Variants in ATP13A4 observed in about 807,000 individuals in gnomAD.
ATP13A4 encodes ATPase 13A4.
In ATP13A4, 114 loss-of-function variants were observed where a neutral mutation model predicts 142.5. The ratio of observed to expected loss-of-function variants is 0.80; its 90% CI spans 0.69 to 0.93. The LOEUF (loss-of-function observed/expected upper bound fraction) is 0.93, where lower values mean the gene tolerates loss of function less well. Ranked by LOEUF, ATP13A4 falls within the 40% of genes least tolerant of loss-of-function variation. The probability of loss-of-function intolerance (pLI) is 0.00; values close to 1 mark genes in which losing one functional copy is unlikely to be tolerated. For synonymous variants in ATP13A4, 488 were observed against 514.8 expected, an observed-to-expected ratio of 0.95 and a Z score of 0.70; for missense variants, 1,392 against 1,454.0, an observed-to-expected ratio of 0.96 and a Z score of 0.69.
Position 193,402,646 on chromosome 3 carries a change from T to C in ATP13A4, c.*6A>G, listed in dbSNP as rs1714305536. On this transcript the variant is annotated 3_prime_UTR_variant, in exon 30 of 30. Transcript: ENST00000342695. ...CTGTAATATCAACTTGGATATCACA[T>C]GTCCTTCAGAGTTGTTCTTCATTGC... 8.2e-6 allele frequency: 7 copies of C among 857,946 alleles called. No homozygotes were observed. Among genetic ancestry groups the C allele is most frequent in the South Asian group, 6.6e-5 (5 of 76,098 alleles). The allele number at this position is 857,946 out of a possible 1,614,324, so 53.1% of individuals were successfully genotyped here. A position where few individuals can be genotyped will look rare whatever the true frequency, so the allele number is the denominator to read the frequency against.
intron 18 of ATP13A4, among the ~76,000 whole-genome samples, chr3:193,447,685 C>CT (rs1247231413): frequency 6.6e-6 from 1 of 152,142 alleles, no homozygotes; most frequent in Non-Finnish European, 1.5e-5. Context: ...GTGATTTACT[C>CT]TCATTGCTCT....
chr3:193,435,602 C>G (rs765907712), intron 24 of ATP13A4, 46 bp downstream of exon 24: 175 of 1,468,038 alleles, frequency 1.2e-4, no homozygotes, highest in Non-Finnish European at 1.5e-4. Context: ...TGCACCGCTA[C>G]TTGTTTTAGT....
intron 2 of ATP13A4, among the ~76,000 whole-genome samples, chr3:193,504,246 A>G (rs1720734622): frequency 6.6e-6 from 1 of 152,104 alleles, no homozygotes; most frequent in Non-Finnish European, 1.5e-5. Context: ...AAGGGAGCTA[A>G]ATTTTCAATG....
chr3:193,533,565 A>C (rs1031556284), intron 1 of ATP13A4, among the ~76,000 whole-genome samples: 1 of 152,172 alleles, frequency 6.6e-6, no homozygotes, highest in African/African-American at 2.4e-5. Context: ...AGCAGACCAA[A>C]GAAAAAAAAA....
Position 193,442,357 on chromosome 3 carries a change from T to C in ATP13A4, c.2316+36A>G, listed in dbSNP as rs367810450. 5.9e-5 allele frequency: 95 copies of C among 1,601,226 alleles called. No homozygotes were observed. The Admixed American group carries it at 6.5e-4, about 11-fold the overall frequency. On this transcript the variant is annotated intron_variant, in intron 19 of 29. Coordinates refer to ENST00000342695, the MANE Select transcript of ATP13A4 (RefSeq NM_032279.4). ...TCAGTCACCAACACTGCAAGACACA[T>C]TGATAATGTGGCAGAAGGTCTGTGT...
chr3:193,455,027 A>G (rs554285500), intron 16 of ATP13A4, among the ~76,000 whole-genome samples: 2 of 152,264 alleles, frequency 1.3e-5, no homozygotes, highest in Admixed American at 6.5e-5. Flanking sequence ...AAAGAAAAAA[A>G]CAAACAACCT....
At chr3:193,443,309 T>A (rs1486457152) in intron 18 of ATP13A4, among the ~76,000 whole-genome samples, 1 of 152,206 alleles carries the variant, frequency 6.6e-6, no homozygotes. Flanking sequence ...TGTGCGTGTG[T>A]GGACCAGATC....
At chr3:193,517,274 G>C (rs1369790656) in intron 1 of ATP13A4, among the ~76,000 whole-genome samples, 2 of 152,276 alleles carry the variant, frequency 1.3e-5, no homozygotes, top group East Asian at 1.9e-4. Flanking sequence ...CAGTCTCAAG[G>C]AGCTCATTAG....
At chr3:193,424,844 A>T (rs996644206) in intron 25 of ATP13A4, among the ~76,000 whole-genome samples, 10 of 149,894 alleles carry the variant, frequency 6.7e-5, no homozygotes, top group African/African-American at 2.2e-4. Context: ...AAAACTAAAA[A>T]GATTTTGCAC....
chr3:193,519,409 C>A (rs1721593912), intron 1 of ATP13A4, among the ~76,000 whole-genome samples: 1 of 152,118 alleles, frequency 6.6e-6, no homozygotes, highest in Admixed American at 6.6e-5. Context: ...CTATATCACT[C>A]TGTACCAGCC....
Position 193,412,339 on chromosome 3 carries a change from T to G in ATP13A4, c.3047A>C (p.Glu1016Ala). 6.2e-7 allele frequency: 1 copy of G among 1,614,154 alleles called. No homozygotes were observed. Among genetic ancestry groups the G allele is most frequent in the Admixed American group, 1.7e-5 (1 of 60,022 alleles). ...ACTVQNESIS[E>A]LTMSPTAPEK... ...TGGAGCAGTTGGAGACATGGTTAAC[T>G]CTGAGATGCTTTCATTTTGTACTGT... The change falls in exon 27 of 30, where the codon GAG (glutamate) becomes GCG (alanine). Residue 1016 changes from glutamate (E) to alanine (A), a missense_variant. Transcript: ENST00000342695.
intron 1 of ATP13A4, among the ~76,000 whole-genome samples, chr3:193,587,976 T>C (rs912324147): frequency 3.3e-5 from 5 of 151,392 alleles, no homozygotes; most frequent in Non-Finnish European, 5.9e-5. Context: ...TATATATATA[T>C]TTAAAAATTA....
chr3:193,445,795 T>G (rs1313961337), intron 18 of ATP13A4, among the ~76,000 whole-genome samples: 1 of 151,590 alleles, frequency 6.6e-6, no homozygotes, highest in East Asian at 1.9e-4. Context: ...AGGAGAGCAC[T>G]TAAGAAAACT....
At chr3:193,507,353 C>G (rs1395169269) in intron 2 of ATP13A4, among the ~76,000 whole-genome samples, 1 of 151,812 alleles carries the variant, frequency 6.6e-6, no homozygotes, top group East Asian at 1.9e-4. Context: ...TTCTCTTTCC[C>G]TCTCCTGGCC....
chr3:193,447,670 C>T (rs936004290), intron 18 of ATP13A4, among the ~76,000 whole-genome samples: 1 of 152,146 alleles, frequency 6.6e-6, no homozygotes, highest in African/African-American at 2.4e-5. Flanking sequence ...ACACATTTCT[C>T]TTGTGTGATT....
At chr3:193,483,115 C>A (rs1719387505) in intron 8 of ATP13A4, among the ~76,000 whole-genome samples, 1 of 152,048 alleles carries the variant, frequency 6.6e-6, no homozygotes, top group African/African-American at 2.4e-5. Context: ...TAACTATGAA[C>A]TTTGATCCCC....
At position 193,438,479 on chromosome 3, in the gene ATP13A4, T is replaced by A; in HGVS notation, c.2668A>T (p.Ile890Phe). ...TPNIECVPHL[I>F]KEGRAALVTS... ...TTTGAGGAAGTGCCTACTTACTTGA[T>A]AAGGTGAGGTACGCACTCAATGTTT... The change falls in exon 23 of 30, where the codon ATC becomes TTC. Residue 890 changes from isoleucine (I) to phenylalanine (F), a missense_variant. By Grantham distance (21) the Ile-to-Phe change is conservative (BLOSUM62 0). Coordinates refer to ENST00000342695, the MANE Select transcript of ATP13A4 (RefSeq NM_032279.4). The A allele has an allele frequency of 6.2e-7, 1 of 1,607,124 alleles. No individual in the cohort carries two copies. The highest frequency in any genetic ancestry group is 2.2e-5 in the East Asian group (1 of 44,846).
chr3:193,468,996 T>C (rs1435175808), intron 9 of ATP13A4, among the ~76,000 whole-genome samples: 1 of 152,190 alleles, frequency 6.6e-6, no homozygotes, highest in Non-Finnish European at 1.5e-5. Flanking sequence ...TTGAGATTTA[T>C]TTGGATTTGA....
intron 27 of ATP13A4, 27 bp from the exon 28 acceptor site, chr3:193,411,097 A>AT: frequency 6.7e-7 from 1 of 1,489,646 alleles, no homozygotes; most frequent in Non-Finnish European, 9.4e-7. Flanking sequence ...ACAAGGTATT[A>AT]TTTTGAGAAA....
Sources: gnomAD v4.1 joint callset for allele counts (sites outside exome capture counted in the v4.1 genomes callset) on GRCh38, gnomAD v4.1.1 for gene constraint, MANE v1.5 for transcripts, NCBI Gene and HGNC (gene_info 2026-07-23, HGNC 2026-07-21) for gene names.